Variants in EVC observed in about 807,000 individuals in gnomAD.
EVC encodes the protein evC complex member EVC.
In EVC, 116 loss-of-function variants were observed where a neutral mutation model predicts 118.9. The observed-to-expected ratio is 0.98, with a 90% CI of 0.84 to 1.14. EVC has a LOEUF of 1.14. EVC is among the 50% of genes most tolerant of loss of function. The pLI, the probability that EVC is intolerant of heterozygous loss-of-function variation, is 0.00. For synonymous variants in EVC, 619 were observed against 534.7 expected (o/e 1.16, Z -2.18); for missense variants, 1,401 against 1,246.4 (o/e 1.12, Z -1.87).
At chr4:5,766,243 C>A (rs1164945553) in intron 11 of EVC, among the ~76,000 whole-genome samples, 1 of 151,828 alleles carries the variant, frequency 6.6e-6, no homozygotes, top group Admixed American at 6.6e-5. Context: ...CCACTCTCTT[C>A]TGGCTTGTAG....
chr4:5,808,116 C>G (rs1457881059), intron 17 of EVC, 85 bp from the exon 18 acceptor site: 1 of 943,272 alleles, frequency 1.1e-6, no homozygotes, highest in Non-Finnish European at 1.5e-6. Context: ...GATCAGCAGC[C>G]TCCCTGCCTT....
intron 12 of EVC, among the ~76,000 whole-genome samples, chr4:5,792,165 G>T (rs1712912606): frequency 6.6e-6 from 1 of 152,208 alleles, no homozygotes; most frequent in African/African-American, 2.4e-5. Flanking sequence ...AGATTAGATG[G>T]TGGGAAATAA....
intron 5 of EVC, among the ~76,000 whole-genome samples, chr4:5,739,164 G>C (rs1301622048): frequency 2.6e-5 from 4 of 152,136 alleles, no homozygotes; most frequent in Non-Finnish European, 4.4e-5. Context: ...CTCAAAGTTG[G>C]CACTATGGAA....
At chr4:5,724,973 G>A (rs1025077027) in intron 2 of EVC, among the ~76,000 whole-genome samples, 2 of 152,026 alleles carry the variant, frequency 1.3e-5, no homozygotes, top group African/African-American at 4.8e-5. Context: ...GAGAACATGC[G>A]GTGTTTGGTT....
At chr4:5,748,980 C>T (rs1038146737) in intron 8 of EVC, among the ~76,000 whole-genome samples, 1 of 151,978 alleles carries the variant, frequency 6.6e-6, no homozygotes, top group Non-Finnish European at 1.5e-5. Context: ...TGGGGTGCAA[C>T]CTGGCTGGGC....
At chr4:5,760,436 A>G (rs114675026) in intron 11 of EVC, among the ~76,000 whole-genome samples, 2 of 152,182 alleles carry the variant, frequency 1.3e-5, no homozygotes, top group Middle Eastern at 6.8e-3. Flanking sequence ...GAGGGGTGAT[A>G]CCTGCTGGAG....
At chr4:5,819,625 C>T in the EVC span, among the ~76,000 whole-genome samples, 1 of 152,226 alleles carries the variant, frequency 6.6e-6, no homozygotes, top group Non-Finnish European at 1.5e-5. Flanking sequence ...AGGGCTGCTT[C>T]TGCTTCCACT....
At chr4:5,782,333 C>T (rs1389005476) in intron 11 of EVC, among the ~76,000 whole-genome samples, 1 of 151,624 alleles carries the variant, frequency 6.6e-6, no homozygotes, top group East Asian at 1.9e-4. Context: ...CCTCAGCCTC[C>T]CAAAGTGCTG....
At chr4:5,716,548 C>G (rs1293830295) in intron 1 of EVC, among the ~76,000 whole-genome samples, 1 of 152,122 alleles carries the variant, frequency 6.6e-6, no homozygotes, top group Non-Finnish European at 1.5e-5. Context: ...CTGAGGACCT[C>G]AGCCATGGAT....
At chr4:5,796,496 T>A (rs76147764) in intron 13 of EVC, among the ~76,000 whole-genome samples, 1 of 151,950 alleles carries the variant, frequency 6.6e-6, no homozygotes, top group African/African-American at 2.4e-5. Flanking sequence ...CTGAATTAGG[T>A]CTTAGTGGGG....
intron 2 of EVC, among the ~76,000 whole-genome samples, chr4:5,727,997 C>G (rs1475383248): frequency 6.6e-6 from 1 of 150,822 alleles, no homozygotes; most frequent in Non-Finnish European, 1.5e-5. Flanking sequence ...AGTTTGAAGT[C>G]AGGTAGTGTG....
chr4:5,802,012 G>T lies in EVC; in HGVS notation c.2367G>T (p.Leu789=). The T allele has an allele frequency of 6.2e-7, 1 of 1,614,212 alleles. No individual in the cohort carries two copies. The highest frequency in any genetic ancestry group is 8.5e-7 in the Non-Finnish European group (1 of 1,180,044). The change falls in exon 16 of 21, where the codon CTG becomes CTT. Residue 789 remains leucine, a synonymous_variant. Coordinates refer to ENST00000264956, the MANE Select transcript of EVC (RefSeq NM_153717.3). Reference sequence around the variant, plus strand: ...TGACCAGCGCTGGTGTCAGCCGCCTGGTGCAGGCGTATTACCAGCAAATCG... The same window carrying T: ...TGACCAGCGCTGGTGTCAGCCGCCTTGTGCAGGCGTATTACCAGCAAATCG... ...VYVTSAGVSR[L]VQAYYQQIGR...
intron 19 of EVC, among the ~76,000 whole-genome samples, chr4:5,810,097 A>C (rs997518134): frequency 2.6e-5 from 4 of 152,222 alleles, no homozygotes; most frequent in African/African-American, 9.6e-5. Flanking sequence ...GGAGCCTAGC[A>C]GACTGGAGCT....
At chr4:5,782,388 CA>C (rs1487194883) in intron 11 of EVC, among the ~76,000 whole-genome samples, 12 of 124,006 alleles carry the variant, frequency 9.7e-5, no homozygotes, top group Admixed American at 2.7e-4. Flanking sequence ...TGTAAGGTTC[CA>C]TTTTTTTTTT....
Position 5,789,353 on chromosome 4 carries a change from C to T in EVC, c.1777-4255C>T, listed in dbSNP as rs541379904. ...TTGCACTCCTCTGGCTTTCTGGGCA[C>T]GTTCCTGCCTTACTCTGTCCTGCTC... On this transcript the variant is annotated intron_variant, in intron 12 of 20. Coordinates refer to ENST00000264956, the MANE Select transcript of EVC (RefSeq NM_153717.3). The surrounding 1 kb of genome is among the most constrained non-coding windows in gnomAD (Gnocchi z 4.3). Among the ~76,000 whole-genome samples the T allele has an allele frequency of 2.6e-5, 4 of 152,292 alleles. No individual in the cohort carries two copies. Among genetic ancestry groups the T allele is most frequent in the Admixed American group, 1.3e-4 (2 of 15,294 alleles).
chr4:5,755,521 C>T lies in EVC; in HGVS notation c.1465-743C>T, dbSNP rs1731034394. On this transcript the variant is annotated intron_variant, in intron 10 of 20. Coordinates refer to ENST00000264956, the MANE Select transcript of EVC (RefSeq NM_153717.3). The surrounding 1 kb of genome is among the most constrained non-coding windows in gnomAD (Gnocchi z 4.1). ...CCTTTTTCCAGTCCCGCCCTTCTCT[C>T]TCATCTCACCTCCTGCCCGTAGCAT... Among the ~76,000 whole-genome samples the T allele has an allele frequency of 6.6e-6, 1 of 152,146 alleles. No individual in the cohort carries two copies.
rs1714471920 is a variant in EVC at position 5,798,881 on chromosome 4, T to G, written c.2304+89T>G. 9 of 1,368,962 alleles carry G rather than the reference T, an allele frequency of 6.6e-6. No homozygotes were observed. The South Asian group carries it at 1.1e-4, about 17-fold the overall frequency. The allele number at this position is 1,368,962 out of a possible 1,614,324, so 84.8% of individuals were successfully genotyped here. ...CTGGGTCTGCTCCTTGCCACACCGT[T>G]CATGGAGCTTGTGGCCTAGTAGACT... On this transcript the variant is annotated intron_variant, in intron 15 of 20. Transcript: ENST00000264956. This position sits in a 1 kb window ranked among gnomAD's most constrained non-coding sequence, Gnocchi z 4.1.
chr4:5,826,112 A>G, the EVC span: 9,603 of 207,394 alleles, frequency 0.046, 265 homozygotes, highest in African/African-American at 0.062. Context: ...ATACACACCC[A>G]TATATACACT....
the EVC span, among the ~76,000 whole-genome samples, chr4:5,822,050 C>CT: frequency 0.046 from 6,867 of 148,410 alleles, 172 homozygotes; most frequent in African/African-American, 0.079. Flanking sequence ...TCCCTGGGCT[C>CT]CCCCCACCTT....
Sources: gnomAD v4.1 joint callset for allele counts (sites outside exome capture counted in the v4.1 genomes callset) on GRCh38, gnomAD v4.1.1 for gene constraint, Gnocchi (gnomAD v3.1) non-coding constraint, MANE v1.5 for transcripts, NCBI Gene and HGNC (gene_info 2026-07-23, HGNC 2026-07-21) for gene names.